Variants in PCDHGA9 observed in about 807,000 individuals in gnomAD.
PCDHGA9 encodes the protein protocadherin gamma subfamily A, 9, also known as protocadherin gamma-A9.
A neutral mutation model predicts 62.5 loss-of-function variants in PCDHGA9; 37 were observed. That is an observed-to-expected ratio of 0.59 (90% confidence interval 0.46 to 0.78). PCDHGA9 has a LOEUF of 0.78. Among genes scored for constraint, PCDHGA9 ranks in the 30% least tolerant of loss-of-function variants. The probability of loss-of-function intolerance (pLI) is 0.00; values close to 1 mark genes in which losing one functional copy is unlikely to be tolerated. For missense variants in PCDHGA9, 1,138 were observed against 1,166.2 expected (o/e 0.98, Z 0.35); for synonymous variants, 459 against 484.6 (o/e 0.95, Z 0.69).
Position 141,454,549 on chromosome 5 carries a change from G to A in PCDHGA9, c.2425-40258G>A, listed in dbSNP as rs188623155. ...AGCCTCCCAAGTAGCTGAGATTACA[G>A]GCATGTGCCACCACGCCCGGCTAAT... On this transcript the variant is annotated intron_variant, in intron 1 of 3. Transcript: ENST00000573521. Among the ~76,000 whole-genome samples, 406 of 152,154 alleles carry A rather than the reference G, an allele frequency of 2.7e-3. 2 individuals are homozygous for A. The highest frequency in any genetic ancestry group is 0.021 in the South Asian group (99 of 4,814).
At position 141,486,735 on chromosome 5, in the gene PCDHGA9, G is replaced by T; in HGVS notation, c.2425-8072G>T. 6.2e-7 allele frequency: 1 copy of T among 1,614,176 alleles called. No individual in the cohort carries two copies. The highest frequency in any genetic ancestry group is 1.1e-5 in the South Asian group (1 of 91,086). On this transcript the variant is annotated intron_variant, in intron 1 of 3. Coordinates refer to ENST00000573521, the MANE Select transcript of PCDHGA9 (RefSeq NM_018921.3). The surrounding 1 kb of genome is among the most constrained non-coding windows in gnomAD (Gnocchi z 5.0). Reference sequence around the variant, plus strand: ...CAGACAGGAGCTGTTCATGCTACTCGATCCTTTGACTATGAGCAAACCCAG... The same window carrying T: ...CAGACAGGAGCTGTTCATGCTACTCTATCCTTTGACTATGAGCAAACCCAG...
chr5:141,475,823 T>C (rs2099373850), intron 1 of PCDHGA9: 1 of 360,288 alleles, frequency 2.8e-6, no homozygotes, highest in Non-Finnish European at 5.0e-6. Context: ...TTCCTGGCGC[T>C]AGCGCGTGTC....
At chr5:141,465,144 T>A (rs965605798) in intron 1 of PCDHGA9, among the ~76,000 whole-genome samples, 4 of 152,008 alleles carry the variant, frequency 2.6e-5, no homozygotes, top group Admixed American at 6.6e-5. Flanking sequence ...TTAGGGGATA[T>A]ATGAAGGGAC....
Position 141,431,535 on chromosome 5 carries a change from C to T in PCDHGA9, c.2424+26159C>T. On this transcript the variant is annotated intron_variant, in intron 1 of 3. Coordinates refer to ENST00000573521, the MANE Select transcript of PCDHGA9 (RefSeq NM_018921.3). This position sits in a 1 kb window ranked among gnomAD's most constrained non-coding sequence, Gnocchi z 4.8. ...GTTCCGGAGAATCTGGCCTTGGGCA[C>T]GCAGCTGCTTGTAGTCAACGCTACC... is the stretch of plus-strand genomic sequence containing the variant. 3 of 1,614,076 alleles carry T rather than the reference C, an allele frequency of 1.9e-6. No individual in the cohort carries two copies. Among genetic ancestry groups the T allele is most frequent in the Non-Finnish European group, 2.5e-6 (3 of 1,180,038 alleles).
At chr5:141,458,519 T>C (rs974750749) in intron 1 of PCDHGA9, among the ~76,000 whole-genome samples, 1 of 152,110 alleles carries the variant, frequency 6.6e-6, no homozygotes, top group Non-Finnish European at 1.5e-5. Context: ...CTTTGTTTTT[T>C]TTTTTAACTT....
chr5:141,430,255 T>TC (rs11167746), intron 1 of PCDHGA9, among the ~76,000 whole-genome samples: 81,857 of 151,872 alleles, frequency 0.54, 24,107 homozygotes, highest in African/African-American at 0.79. Flanking sequence ...GGGAGACATC[T>TC]CCATAATAGG....
At position 141,505,908 on chromosome 5, in the gene PCDHGA9, T is replaced by C. The variant is rs114551975; in HGVS notation, c.2572+427T>C. On this transcript the variant is annotated intron_variant, in intron 3 of 3. Coordinates refer to ENST00000573521, the MANE Select transcript of PCDHGA9 (RefSeq NM_018921.3). ...TTAAATGAGATGATACCACAAAGCATAGAGTTCTGGGCCTGGCGCTTGGAA... is the reference window on the plus strand; with the variant it reads ...TTAAATGAGATGATACCACAAAGCACAGAGTTCTGGGCCTGGCGCTTGGAA... 4.0e-3 allele frequency among the ~76,000 whole-genome samples: 608 copies of C among 152,218 alleles called. 3 individuals are homozygous for C. The highest frequency in any genetic ancestry group is 0.013 in the African/African-American group (551 of 41,540).
intron 2 of PCDHGA9, among the ~76,000 whole-genome samples, chr5:141,504,143 C>A (rs2099835975): frequency 6.6e-6 from 1 of 152,136 alleles, no homozygotes; most frequent in Non-Finnish European, 1.5e-5. Flanking sequence ...CACTCCCCTG[C>A]AAATTGAAAT....
rs775122106 is a variant in PCDHGA9 at position 141,410,519 on chromosome 5, C to CT, written c.2424+5144dup. On this transcript the variant is annotated intron_variant, in intron 1 of 3. Coordinates refer to ENST00000573521, the MANE Select transcript of PCDHGA9 (RefSeq NM_018921.3). ...TAATTTCCTAAAATGCAGTGTGCCCCTACATTCCAATGAAGACATGGTTTG... is the reference window on the plus strand; with the variant it reads ...TAATTTCCTAAAATGCAGTGTGCCCCTTACATTCCAATGAAGACATGGTTTG... 5.9e-5 allele frequency: 95 copies of CT among 1,613,978 alleles called. 1 individual carries two copies. In the South Asian group the frequency reaches 1.0e-3, roughly 17 times the overall value.
chr5:141,444,152 ATTTTTTTTTTTTTT>A (rs747671382), intron 1 of PCDHGA9, among the ~76,000 whole-genome samples: 241 of 33,882 alleles, frequency 7.1e-3, no homozygotes, highest in African/African-American at 0.019. Flanking sequence ...TGTGTACTGG[ATTTTTTTTTTTTTT>A]TTTTTTTTTT....
At chr5:141,414,740 G>A (rs776833780) in intron 1 of PCDHGA9, 1 of 1,614,208 alleles carries the variant, frequency 6.2e-7, no homozygotes, top group South Asian at 1.1e-5. Flanking sequence ...TATGCACTCA[G>A]ATCCTTCGAC....
Position 141,475,863 on chromosome 5 carries a change from C to G in PCDHGA9, c.2425-18944C>G, listed in dbSNP as rs1037784260. On this transcript the variant is annotated intron_variant, in intron 1 of 3. Transcript: ENST00000573521. ...TCAGAGAGCCCGGCGCTAGCTCATT[C>G]TTCGTGCAGTTATTGGCTGGGACTC... is the stretch of plus-strand genomic sequence containing the variant. 1.4e-5 allele frequency: 7 copies of G among 499,790 alleles called. 1 individual carries two copies. The highest frequency in any genetic ancestry group is 1.4e-4 in the African/African-American group (7 of 51,600). The allele number at this position is 499,790 out of a possible 1,614,324, so 31.0% of individuals were successfully genotyped here. A position where few individuals can be genotyped will look rare whatever the true frequency, so the allele number is the denominator to read the frequency against.
At chr5:141,504,240 G>A (rs1275204117) in intron 2 of PCDHGA9, among the ~76,000 whole-genome samples, 1 of 152,182 alleles carries the variant, frequency 6.6e-6, no homozygotes, top group Non-Finnish European at 1.5e-5. Context: ...AAGAAGCAGA[G>A]AGTTCTTCTT....
In PCDHGA9 at chr5:141,476,141, G is replaced by A. The variant is rs1011341002; in HGVS notation, c.2425-18666G>A. On this transcript the variant is annotated intron_variant, in intron 1 of 3. Coordinates refer to ENST00000573521, the MANE Select transcript of PCDHGA9 (RefSeq NM_018921.3). This position sits in a 1 kb window ranked among gnomAD's most constrained non-coding sequence, Gnocchi z 7.6. ...GATGGTCCCAGAGGCCTGGAGGAGCGGACTGGTAAGCACCGGGAGGGTAGT... is the reference window on the plus strand; with the variant it reads ...GATGGTCCCAGAGGCCTGGAGGAGCAGACTGGTAAGCACCGGGAGGGTAGT... 5.6e-6 allele frequency: 9 copies of A among 1,609,928 alleles called. No homozygotes were observed. Among genetic ancestry groups the A allele is most frequent in the Non-Finnish European group, 7.6e-6 (9 of 1,178,880 alleles).
In PCDHGA9 at chr5:141,476,506, C is replaced by T; in HGVS notation, c.2425-18301C>T. 1 of 1,614,068 alleles carries T rather than the reference C, an allele frequency of 6.2e-7. No homozygotes were observed. ...AAGTGGTGATCCAGGACATCAACGA[C>T]AACAATCCTGCTTTCCCTACCCAGG... On this transcript the variant is annotated intron_variant, in intron 1 of 3. Transcript: ENST00000573521. This position sits in a 1 kb window ranked among gnomAD's most constrained non-coding sequence, Gnocchi z 7.6.
rs911461762 is a variant in PCDHGA9 at position 141,512,938 on chromosome 5, T to C, written c.*1765T>C. The stretch of plus-strand genomic sequence containing the variant: ...ACTCTAATATTTATATGGCTTTTTT[T>C]CTTCGACAAAAAAATAATAAAACGT... On this transcript the variant is annotated 3_prime_UTR_variant, in exon 4 of 4. Coordinates refer to ENST00000573521, the MANE Select transcript of PCDHGA9 (RefSeq NM_018921.3). 6.6e-6 allele frequency: 1 copy of C among 151,928 alleles called. No homozygotes were observed. Among genetic ancestry groups the C allele is most frequent in the Non-Finnish European group, 1.5e-5 (1 of 67,934 alleles). The allele number at this position is 151,928 out of a possible 1,614,324, so 9.4% of individuals were successfully genotyped here.
chr5:141,497,730 G>T (rs13182286), intron 2 of PCDHGA9, among the ~76,000 whole-genome samples: 247 of 152,136 alleles, frequency 1.6e-3, no homozygotes, highest in Non-Finnish European at 2.8e-3. Flanking sequence ...AGTAGAGATG[G>T]GTTTCGCCAC....
At chr5:141,460,883 C>T (rs371847673) in intron 1 of PCDHGA9, among the ~76,000 whole-genome samples, 2 of 149,996 alleles carry the variant, frequency 1.3e-5, no homozygotes, top group East Asian at 2.0e-4. Context: ...TATTTCATGC[C>T]TTTTCGTGGC....
intron 3 of PCDHGA9, among the ~76,000 whole-genome samples, chr5:141,510,266 C>T (rs1202092142): frequency 7.0e-6 from 1 of 143,198 alleles, no homozygotes; most frequent in Non-Finnish European, 1.5e-5. Flanking sequence ...GAGCAGGACT[C>T]CATCTTAAAA....
Sources: gnomAD v4.1 joint callset for allele counts (sites outside exome capture counted in the v4.1 genomes callset) on GRCh38, gnomAD v4.1.1 for gene constraint, Gnocchi (gnomAD v3.1) non-coding constraint, MANE v1.5 for transcripts, NCBI Gene and HGNC (gene_info 2026-07-23, HGNC 2026-07-21) for gene names.